Variants in STAP1 observed in about 807,000 individuals in gnomAD.
STAP1 encodes signal transducing adaptor family member 1, also known as signal-transducing adaptor protein 1.
Under a neutral mutation model 37.8 loss-of-function variants are expected in STAP1, and 30 were observed. The observed-to-expected ratio is 0.79, with a 90% CI of 0.59 to 1.08. STAP1 has a LOEUF of 1.08. Ranked by LOEUF, STAP1 falls within the 50% of genes least tolerant of loss-of-function variation. STAP1 has a pLI of 0.00. For synonymous variants in STAP1, 130 were observed against 116.0 expected, an observed-to-expected ratio of 1.12 and a Z score of -0.78; for missense variants, 357 against 349.4, an observed-to-expected ratio of 1.02 and a Z score of -0.17.
intron 2 of STAP1, among the ~76,000 whole-genome samples, chr4:67,574,931 C>G (rs1266310229): frequency 1.3e-5 from 2 of 152,008 alleles, no homozygotes; most frequent in Non-Finnish European, 2.9e-5. Context: ...TATGACCTCA[C>G]GGAGCATGTA....
In STAP1 at chr4:67,581,343, A is replaced by T. The variant is rs1486096529; in HGVS notation, c.402A>T (p.Gln134His). Reference protein sequence around the residue: ...VPQNVSLLPGQVIKLHEVLER... With the variant: ...VPQNVSLLPGHVIKLHEVLER... ...AAAACGTGTCACTCCTACCTGGGCA[A>T]GTAATTAAACTGCATGAAGTCCTAG... Residue 134 changes from glutamine to histidine, a missense_variant, in exon 5 of 9, where the codon CAA (glutamine) becomes CAT (histidine). By Grantham distance (24) the Gln-to-His change is conservative (BLOSUM62 0). Transcript: ENST00000265404. 5.0e-6 allele frequency: 8 copies of T among 1,613,848 alleles called. No individual in the cohort carries two copies. In the South Asian group the frequency reaches 8.8e-5, roughly 18 times the overall value.
chr4:67,594,083 C>G (rs1345584585), intron 8 of STAP1, among the ~76,000 whole-genome samples: 2 of 152,180 alleles, frequency 1.3e-5, no homozygotes, highest in Non-Finnish European at 2.9e-5. Flanking sequence ...TAGTCTCTCT[C>G]TATCTTATGC....
chr4:67,592,209 G>A (rs1728134649), intron 7 of STAP1, among the ~76,000 whole-genome samples: 1 of 152,020 alleles, frequency 6.6e-6, no homozygotes, highest in African/African-American at 2.4e-5. Flanking sequence ...CATAGTGCCA[G>A]CCTGAAACTC....
chr4:67,581,310 AGTT>A lies in STAP1; in HGVS notation c.370_372del (p.Val124del). The A allele has an allele frequency of 6.2e-7, 1 of 1,610,546 alleles. No homozygotes were observed. Among genetic ancestry groups the A allele is most frequent in the South Asian group, 1.1e-5 (1 of 90,194 alleles). On this transcript the variant is annotated inframe_deletion, in exon 5 of 9. Coordinates refer to ENST00000265404, the MANE Select transcript of STAP1 (RefSeq NM_012108.4). The stretch of plus-strand genomic sequence containing the variant: ...ACTCTTTTAATTGGTTTCAGCTGTC[AGTT>A]CCCCAAAACGTGTCACTCCTACCTG...
intron 1 of STAP1, among the ~76,000 whole-genome samples, chr4:67,566,104 A>G (rs939882245): frequency 5.3e-5 from 8 of 150,820 alleles, no homozygotes; most frequent in South Asian, 2.1e-4. Context: ...GCCCGCCACT[A>G]CTCCGGCTAA....
At chr4:67,571,717 T>C (rs1042251546) in intron 2 of STAP1, among the ~76,000 whole-genome samples, 2 of 152,196 alleles carry the variant, frequency 1.3e-5, no homozygotes, top group African/African-American at 4.8e-5. Flanking sequence ...GAATAAGATA[T>C]AGTATTTTAG....
intron 1 of STAP1, among the ~76,000 whole-genome samples, chr4:67,569,854 T>G (rs749117056): frequency 6.6e-6 from 1 of 152,132 alleles, no homozygotes; most frequent in Non-Finnish European, 1.5e-5. Context: ...TACAGCCCCC[T>G]GAGTAGTTGG....
intron 1 of STAP1, among the ~76,000 whole-genome samples, chr4:67,568,565 T>C (rs938339876): frequency 1.3e-5 from 2 of 152,178 alleles, no homozygotes; most frequent in Non-Finnish European, 2.9e-5. Flanking sequence ...TTTAACTAGG[T>C]TATTTAAATA....
rs528087377 is a variant in STAP1 at position 67,568,852 on chromosome 4, T to C, written c.121-2232T>C. Among the ~76,000 whole-genome samples the C allele has an allele frequency of 1.6e-4, 24 of 152,384 alleles. 1 individual carries two copies. The highest frequency in any genetic ancestry group is 6.8e-3 in the Middle Eastern group (2 of 294). On this transcript the variant is annotated intron_variant, in intron 1 of 8. Coordinates refer to ENST00000265404, the MANE Select transcript of STAP1 (RefSeq NM_012108.4). ...TAGATATTATATGCTTTTCCTATGC[T>C]GGGCCCTTCACTGGTCCATCTGACA...
chr4:67,584,648 G>A (rs1378780420), intron 6 of STAP1, among the ~76,000 whole-genome samples: 1 of 152,114 alleles, frequency 6.6e-6, no homozygotes, highest in Non-Finnish European at 1.5e-5. Context: ...CAATATCTGG[G>A]GCAAAAGTGC....
chr4:67,582,630 G>GT (rs138618971), intron 5 of STAP1, among the ~76,000 whole-genome samples: 81,685 of 149,176 alleles, frequency 0.55, 23,767 homozygotes, highest in Non-Finnish European at 0.65. Context: ...TTTTCTATTA[G>GT]TTTTTTTTTT....
intron 6 of STAP1, among the ~76,000 whole-genome samples, chr4:67,587,186 C>T (rs867098794): frequency 5.9e-5 from 9 of 152,292 alleles, no homozygotes; most frequent in Middle Eastern, 3.4e-3. Context: ...TTGGTAGAAA[C>T]CTCGGCTATT....
chr4:67,573,926 T>C (rs1727661758), intron 2 of STAP1, among the ~76,000 whole-genome samples: 2 of 152,120 alleles, frequency 1.3e-5, no homozygotes, highest in Non-Finnish European at 2.9e-5. Context: ...AACCCTACTA[T>C]ACTTACTACA....
intron 1 of STAP1, among the ~76,000 whole-genome samples, chr4:67,566,103 T>A (rs1171665606): frequency 6.6e-6 from 1 of 151,656 alleles, no homozygotes; most frequent in East Asian, 1.9e-4. Flanking sequence ...CGCCCGCCAC[T>A]ACTCCGGCTA....
intron 1 of STAP1, among the ~76,000 whole-genome samples, chr4:67,570,533 G>A (rs1727580018): frequency 6.6e-6 from 1 of 152,128 alleles, no homozygotes; most frequent in Admixed American, 6.5e-5. Context: ...GTGGTGGCAT[G>A]GGCCTGTAGT....
chr4:67,558,978 A>G (rs377308882), intron 1 of STAP1, 49 bp downstream of exon 1: 71 of 1,509,968 alleles, frequency 4.7e-5, no homozygotes, highest in Non-Finnish European at 6.0e-5. Context: ...GTTTTAATTT[A>G]ATATTTATTT....
chr4:67,591,924 T>A (rs112200435), intron 7 of STAP1, among the ~76,000 whole-genome samples: 3 of 152,066 alleles, frequency 2.0e-5, no homozygotes, highest in South Asian at 2.1e-4. Context: ...TGCTAAAGGA[T>A]AATCCAAATA....
chr4:67,594,982 G>A (rs185511359), intron 8 of STAP1, among the ~76,000 whole-genome samples: 184 of 152,146 alleles, frequency 1.2e-3, no homozygotes, highest in Non-Finnish European at 2.1e-3. Flanking sequence ...TTCTTAGTGG[G>A]TGATTTGTCT....
chr4:67,592,099 A>T (rs1038046996), intron 7 of STAP1, among the ~76,000 whole-genome samples: 1 of 145,330 alleles, frequency 6.9e-6, no homozygotes, highest in Non-Finnish European at 1.5e-5. Context: ...ATACTCCTCA[A>T]CCCCTCAGTA....
Sources: allele counts gnomAD v4.1 joint callset (sites outside exome capture counted in the v4.1 genomes callset), GRCh38; gene constraint gnomAD v4.1.1; transcripts MANE v1.5; gene names NCBI Gene and HGNC (gene_info 2026-07-23, HGNC 2026-07-21).